The following CTNNAL1 variants were observed in gnomAD, a reference collection of about 807,000 sequenced individuals.
CTNNAL1 encodes catenin alpha like 1.
A neutral mutation model predicts 93.6 loss-of-function variants in CTNNAL1; 69 were observed. That is an observed-to-expected ratio of 0.74 (90% CI 0.61 to 0.90). CTNNAL1 has a LOEUF of 0.90. Among genes scored for constraint, CTNNAL1 ranks in the 40% least tolerant of loss-of-function variants. The pLI, the probability that CTNNAL1 is intolerant of heterozygous loss-of-function variation, is 0.00. For synonymous variants in CTNNAL1, 286 were observed against 305.4 expected (o/e 0.94, Z 0.66); for missense variants, 836 against 862.0 (o/e 0.97, Z 0.38).
chr9:109,002,911 T>C (rs949775171), intron 1 of CTNNAL1, among the ~76,000 whole-genome samples: 5 of 151,962 alleles, frequency 3.3e-5, no homozygotes, highest in Non-Finnish European at 7.4e-5. Context: ...GAGAATCGCT[T>C]GAATCTGGGA....
At position 108,943,796 on chromosome 9, in the gene CTNNAL1, AAGCTTGTCATCGTCTTTC is replaced by A; in HGVS notation, c.1944_1961del (p.Lys649_Leu654del). Reference sequence around the variant, plus strand: ...GCTTGTTTATTTCCAGGAGAAGCATAAGCTTGTCATCGTCTTTCAGCTGAAATGTAATTTAACAAGTTA... The same window carrying A: ...GCTTGTTTATTTCCAGGAGAAGCATAAGCTGAAATGTAATTTAACAAGTTA... On this transcript the variant is annotated inframe_deletion and splice_region_variant, in exon 17 of 19. Transcript: ENST00000325551. 6.2e-7 allele frequency: 1 copy of A among 1,613,662 alleles called. No homozygotes were observed. Among genetic ancestry groups the A allele is most frequent in the African/African-American group, 1.3e-5 (1 of 75,024 alleles).
intron 11 of CTNNAL1, among the ~76,000 whole-genome samples, chr9:108,957,414 C>A (rs796302503): frequency 7.4e-6 from 1 of 135,802 alleles, no homozygotes; most frequent in Non-Finnish European, 1.5e-5. Context: ...GCCACTGTGC[C>A]TAGCCTAGGA....
intron 15 of CTNNAL1, among the ~76,000 whole-genome samples, chr9:108,946,393 T>G (rs1016575351): frequency 4.0e-4 from 60 of 151,234 alleles, no homozygotes; most frequent in Non-Finnish European, 5.6e-4. Flanking sequence ...AATAATTGCC[T>G]CCTTACTCTT....
chr9:108,954,803 T>C (rs1830650522), intron 12 of CTNNAL1, among the ~76,000 whole-genome samples: 1 of 151,386 alleles, frequency 6.6e-6, no homozygotes, highest in South Asian at 2.1e-4. Context: ...GGGGATTTGA[T>C]TTATCATTTG....
intron 1 of CTNNAL1, among the ~76,000 whole-genome samples, chr9:109,008,873 G>GTT (rs1270581532): frequency 8.9e-6 from 1 of 111,986 alleles, no homozygotes; most frequent in Non-Finnish European, 1.8e-5. Context: ...ATGAACAGAG[G>GTT]TTCTTTTTTT....
Position 109,008,584 on chromosome 9 carries a change from G to A in CTNNAL1, c.141+4718C>T, listed in dbSNP as rs534885320. 1.7e-3 allele frequency among the ~76,000 whole-genome samples: 258 copies of A among 152,180 alleles called. 2 individuals carry two copies. Among genetic ancestry groups the A allele is most frequent in the African/African-American group, 3.3e-3 (135 of 41,520 alleles). On this transcript the variant is annotated intron_variant, in intron 1 of 18. Coordinates refer to ENST00000325551, the MANE Select transcript of CTNNAL1 (RefSeq NM_003798.4). ...ACCATTTTCAAAATGGTTGTAACAC[G>A]GATATTGCTACCATCTCCACGTTCC...
At chr9:108,999,731 A>G (rs758469866) in intron 1 of CTNNAL1, among the ~76,000 whole-genome samples, 1 of 152,166 alleles carries the variant, frequency 6.6e-6, no homozygotes, top group East Asian at 1.9e-4. Context: ...ATGTTTACCA[A>G]ATTAACTAGA....
At chr9:108,989,239 G>C (rs1443115025) in intron 4 of CTNNAL1, among the ~76,000 whole-genome samples, 1 of 152,252 alleles carries the variant, frequency 6.6e-6, no homozygotes, top group East Asian at 1.9e-4. Flanking sequence ...GGTAGCTTTA[G>C]AACCTATGAC....
At chr9:108,950,561 C>G (rs1163005112) in intron 14 of CTNNAL1, 1 of 1,550,434 alleles carries the variant, frequency 6.4e-7, no homozygotes, top group East Asian at 2.4e-5. Flanking sequence ...AATGATGCCT[C>G]TAAGCTTGGG....
chr9:108,943,820 A>T lies in CTNNAL1; in HGVS notation c.1942-4T>A. 6.2e-7 allele frequency: 1 copy of T among 1,612,418 alleles called. No homozygotes were observed. Among genetic ancestry groups the T allele is most frequent in the African/African-American group, 1.3e-5 (1 of 74,950 alleles). On this transcript the variant is annotated splice_region_variant and splice_polypyrimidine_tract_variant and intron_variant, in intron 16 of 18. Coordinates refer to ENST00000325551, the MANE Select transcript of CTNNAL1 (RefSeq NM_003798.4). ...TAAGCTTGTCATCGTCTTTCAGCTG[A>T]AATGTAATTTAACAAGTTATAACAG...
At chr9:108,957,872 C>T (rs1830721863) in intron 11 of CTNNAL1, among the ~76,000 whole-genome samples, 1 of 151,986 alleles carries the variant, frequency 6.6e-6, no homozygotes, top group Non-Finnish European at 1.5e-5. Context: ...AATCTTGGCA[C>T]TTTGGGAGGC....
intron 4 of CTNNAL1, among the ~76,000 whole-genome samples, chr9:108,987,433 C>CTTGTA (rs1831647871): frequency 6.6e-6 from 1 of 152,150 alleles, no homozygotes; most frequent in Admixed American, 6.5e-5. Context: ...TTACTGTAGC[C>CTTGTA]TTGTAGTATA....
At chr9:108,965,321 A>G (rs1391652213) in intron 11 of CTNNAL1, 57 bp downstream of exon 11, 1 of 1,301,522 alleles carries the variant, frequency 7.7e-7, no homozygotes, top group Non-Finnish European at 9.9e-7. Context: ...GCATTAAAAA[A>G]CTAACAAGAG....
chr9:108,972,519 A>G (rs1029771849), intron 9 of CTNNAL1, among the ~76,000 whole-genome samples, 156 bp downstream of exon 9: 3 of 152,200 alleles, frequency 2.0e-5, no homozygotes, highest in Non-Finnish European at 4.4e-5. Flanking sequence ...AGACTGTTGC[A>G]GGAACAGAAC....
chr9:108,952,764 T>C (rs1051766596), intron 12 of CTNNAL1, among the ~76,000 whole-genome samples: 2 of 152,186 alleles, frequency 1.3e-5, no homozygotes, highest in Non-Finnish European at 2.9e-5. Flanking sequence ...GCTCTCCTCT[T>C]TTCACAAGGG....
At chr9:108,998,977 T>C (rs1564148586) in intron 2 of CTNNAL1, 90 bp downstream of exon 2, 1 of 1,412,370 alleles carries the variant, frequency 7.1e-7, no homozygotes, top group East Asian at 2.4e-5. Flanking sequence ...AAGAGCTGTA[T>C]ATCTTTATTC....
chr9:108,988,681 A>T (rs557056694), intron 4 of CTNNAL1, among the ~76,000 whole-genome samples: 3 of 152,190 alleles, frequency 2.0e-5, no homozygotes, highest in South Asian at 2.1e-4. Context: ...TGATCCATCC[A>T]TTGGCCTTCG....
chr9:108,972,309 A>G (rs1831135561), intron 9 of CTNNAL1, among the ~76,000 whole-genome samples: 1 of 152,014 alleles, frequency 6.6e-6, no homozygotes, highest in Non-Finnish European at 1.5e-5. Context: ...CTTCTTTATT[A>G]AACTCTCTTC....
At chr9:108,963,150 C>T (rs1830862058) in intron 11 of CTNNAL1, among the ~76,000 whole-genome samples, 1 of 152,188 alleles carries the variant, frequency 6.6e-6, no homozygotes. Context: ...CTCAGAACAT[C>T]GCCTGGGATT....
Sources: gnomAD v4.1 joint callset for allele counts (sites outside exome capture counted in the v4.1 genomes callset) on GRCh38, gnomAD v4.1.1 for gene constraint, MANE v1.5 for transcripts, NCBI Gene and HGNC (gene_info 2026-07-23, HGNC 2026-07-21) for gene names.